SGCZ: variants seen among roughly 807,000 people sequenced by gnomAD.
The protein encoded by SGCZ is zeta-sarcoglycan.
A neutral mutation model predicts 41.3 loss-of-function variants in SGCZ; 40 were observed. That is an observed-to-expected ratio of 0.97 (90% confidence interval 0.75 to 1.26). SGCZ has a LOEUF of 1.26. SGCZ is among the 50% of genes most tolerant of loss of function. The probability of loss-of-function intolerance (pLI) is 0.00; values close to 1 mark genes in which losing one functional copy is unlikely to be tolerated. For missense variants in SGCZ, 552 were observed against 369.8 expected (o/e 1.49, Z -4.04); for synonymous variants, 206 against 137.5 (o/e 1.50, Z -3.49).
intron 1 of SGCZ, among the ~76,000 whole-genome samples, chr8:15,068,341 C>A (rs1229487793): frequency 2.6e-5 from 4 of 152,116 alleles, no homozygotes; most frequent in African/African-American, 9.7e-5. Flanking sequence ...TTCAGTGAGG[C>A]CCACACTGTA....
intron 1 of SGCZ, among the ~76,000 whole-genome samples, chr8:14,702,063 G>T (rs62495168): frequency 0.38 from 57,624 of 151,540 alleles, 13,434 homozygotes; most frequent in Non-Finnish European, 0.53. Context: ...CTCCCATTAG[G>T]TTCTTGCCTT....
At chr8:15,122,216 A>G (rs1196769768) in intron 1 of SGCZ, among the ~76,000 whole-genome samples, 1 of 151,982 alleles carries the variant, frequency 6.6e-6, no homozygotes, top group African/African-American at 2.4e-5. Context: ...GAAGAAAAAA[A>G]TCTATTTTTT....
intron 4 of SGCZ, among the ~76,000 whole-genome samples, chr8:14,203,374 G>A (rs965831691): frequency 6.6e-6 from 1 of 152,070 alleles, no homozygotes; most frequent in Non-Finnish European, 1.5e-5. Context: ...CTAAAGATAA[G>A]CTAATTATTT....
intron 2 of SGCZ, among the ~76,000 whole-genome samples, chr8:14,452,913 G>A (rs570228394): frequency 5.3e-5 from 8 of 152,038 alleles, no homozygotes; most frequent in Middle Eastern, 3.4e-3. Flanking sequence ...GACCAGCTTC[G>A]TCAACATGGT....
At position 14,108,167 on chromosome 8, in the gene SGCZ, G is replaced by A; in HGVS notation, c.616C>T (p.Leu206Phe). The A allele has an allele frequency of 6.2e-7, 1 of 1,614,064 alleles. No individual in the cohort carries two copies. The highest frequency in any genetic ancestry group is 8.5e-7 in the Non-Finnish European group (1 of 1,179,962). Reference sequence around the variant, plus strand: ...GGTATAAGAGGAAGCCCTTACCTGAGATCTTGGGATGGCTCTGCTCTGATG... The same window carrying A: ...GGTATAAGAGGAAGCCCTTACCTGAAATCTTGGGATGGCTCTGCTCTGATG... ...PHIRAEPSQD[L>F]RLESPTRSLI... The change falls in exon 6 of 8, where the codon CTC (leucine) becomes TTC (phenylalanine). Residue 206 changes from leucine (L) to phenylalanine (F), a missense_variant. By Grantham distance (22) the Leu-to-Phe change is conservative. Transcript: ENST00000382080.
chr8:14,278,242 TG>T (rs1800302418), intron 3 of SGCZ, among the ~76,000 whole-genome samples: 1 of 152,190 alleles, frequency 6.6e-6, no homozygotes, highest in African/African-American at 2.4e-5. Flanking sequence ...TTCAGCCATC[TG>T]GCCCCTCTTT....
rs550681702 is a variant in SGCZ at position 14,123,753 on chromosome 8, A to G, written c.548-15518T>C. ...ATAATCGTGATCTCCCCTGCCCTCA[A>G]TGGTCTCCATCCTAATCCCTGAAAC... On this transcript the variant is annotated intron_variant, in intron 5 of 7. Coordinates refer to ENST00000382080, the MANE Select transcript of SGCZ (RefSeq NM_139167.4). Among the ~76,000 whole-genome samples the G allele has an allele frequency of 2.6e-5, 4 of 152,334 alleles. No individual in the cohort carries two copies. In the East Asian group the frequency reaches 5.8e-4, roughly 22 times the overall value.
intron 3 of SGCZ, among the ~76,000 whole-genome samples, chr8:14,252,008 C>G (rs891782338): frequency 6.6e-6 from 1 of 152,158 alleles, no homozygotes; most frequent in Non-Finnish European, 1.5e-5. Flanking sequence ...CCGTGCCTGG[C>G]CTGATTCATG....
chr8:14,948,312 T>C (rs1402416143), intron 1 of SGCZ, among the ~76,000 whole-genome samples: 1 of 152,140 alleles, frequency 6.6e-6, no homozygotes, highest in Non-Finnish European at 1.5e-5. Context: ...TCTCTCCTAA[T>C]ATACTGGCCA....
intron 2 of SGCZ, among the ~76,000 whole-genome samples, chr8:14,444,903 C>T (rs569002360): frequency 1.1e-4 from 17 of 152,234 alleles, no homozygotes; most frequent in Non-Finnish European, 2.1e-4. Flanking sequence ...TAAAACTCAA[C>T]GCTGGATTCC....
chr8:14,686,377 A>C (rs1372533173), intron 1 of SGCZ, among the ~76,000 whole-genome samples: 1 of 152,200 alleles, frequency 6.6e-6, no homozygotes, highest in Non-Finnish European at 1.5e-5. Context: ...CCAAGGGAGA[A>C]ACAGGAGTGA....
chr8:15,149,022 C>T (rs1350440207), intron 1 of SGCZ, among the ~76,000 whole-genome samples: 5 of 152,126 alleles, frequency 3.3e-5, no homozygotes, highest in Non-Finnish European at 7.4e-5. Flanking sequence ...CAGGACACTA[C>T]ACAGAATTGA....
chr8:14,520,470 T>G (rs571914953), intron 2 of SGCZ, among the ~76,000 whole-genome samples: 3 of 152,278 alleles, frequency 2.0e-5, no homozygotes, highest in Admixed American at 6.5e-5. Context: ...AGCATATCTC[T>G]TGGCATACTG....
At chr8:14,988,870 C>T (rs1801916179) in intron 1 of SGCZ, among the ~76,000 whole-genome samples, 1 of 152,094 alleles carries the variant, frequency 6.6e-6, no homozygotes, top group Non-Finnish European at 1.5e-5. Flanking sequence ...AAAGTTGCCC[C>T]ACTGGCCCTC....
At chr8:14,576,815 G>A (rs1370372246) in intron 1 of SGCZ, among the ~76,000 whole-genome samples, 2 of 152,132 alleles carry the variant, frequency 1.3e-5, no homozygotes, top group Admixed American at 6.5e-5. Flanking sequence ...TGCTCAACAG[G>A]TAATTCATCT....
chr8:15,216,223 C>CTTTTTT (rs34383864), intron 1 of SGCZ, among the ~76,000 whole-genome samples: 1 of 125,940 alleles, frequency 7.9e-6, no homozygotes, highest in Non-Finnish European at 1.6e-5. Flanking sequence ...CTTTTTTTTT[C>CTTTTTT]TTTTTTTTTT....
At chr8:15,176,874 G>A (rs186196896) in intron 1 of SGCZ, among the ~76,000 whole-genome samples, 20 of 152,228 alleles carry the variant, frequency 1.3e-4, no homozygotes, top group South Asian at 1.0e-3. Flanking sequence ...GGTGGCAGGC[G>A]CCTGTAGTCC....
intron 1 of SGCZ, among the ~76,000 whole-genome samples, chr8:14,752,860 A>C (rs1269070859): frequency 6.6e-6 from 1 of 152,208 alleles, no homozygotes; most frequent in African/African-American, 2.4e-5. Context: ...AAGAATTAAA[A>C]ACACACAGAA....
At chr8:14,849,361 A>C (rs2130649310) in intron 1 of SGCZ, among the ~76,000 whole-genome samples, 1 of 152,268 alleles carries the variant, frequency 6.6e-6, no homozygotes, top group East Asian at 1.9e-4. Context: ...ATTGTATCTC[A>C]ATAAAAATGA....
Sources: allele counts gnomAD v4.1 joint callset (sites outside exome capture counted in the v4.1 genomes callset), GRCh38; gene constraint gnomAD v4.1.1; transcripts MANE v1.5; gene names NCBI Gene and HGNC (gene_info 2026-07-23, HGNC 2026-07-21).